Variants in PRR16 observed in about 807,000 individuals in gnomAD.
PRR16 encodes proline rich 16, also known as protein Largen.
A neutral mutation model predicts 18.2 loss-of-function variants in PRR16; 6 were observed. That is an observed-to-expected ratio of 0.33 (90% CI 0.18 to 0.65). The LOEUF (loss-of-function observed/expected upper bound fraction) is 0.65, where lower values mean the gene tolerates loss of function less well. Ranked by LOEUF, PRR16 falls within the 30% of genes least tolerant of loss-of-function variation. The pLI is 0.74. For missense variants in PRR16, 412 were observed against 376.6 expected (o/e 1.09, Z -0.78); for synonymous variants, 151 against 147.8 (o/e 1.02, Z -0.16).
At chr5:120,582,697 G>GT (rs1753313603) in intron 1 of PRR16, among the ~76,000 whole-genome samples, 4 of 151,454 alleles carry the variant, frequency 2.6e-5, no homozygotes, top group Non-Finnish European at 5.9e-5. Flanking sequence ...AATTTCTTTC[G>GT]TAATAGTAAT....
intron 1 of PRR16, among the ~76,000 whole-genome samples, chr5:120,512,984 T>C (rs1350787169): frequency 2.0e-5 from 3 of 152,046 alleles, no homozygotes; most frequent in African/African-American, 7.2e-5. Flanking sequence ...TGAATCGGGG[T>C]GCCACCTTTT....
chr5:120,567,998 C>G (rs1752789007), intron 1 of PRR16, among the ~76,000 whole-genome samples: 1 of 152,148 alleles, frequency 6.6e-6, no homozygotes, highest in Admixed American at 6.6e-5. Context: ...GCTGCAGTTT[C>G]AAGATTCATT....
chr5:120,786,346 T>C, the PRR16 span, among the ~76,000 whole-genome samples: 1 of 151,746 alleles, frequency 6.6e-6, no homozygotes, highest in Non-Finnish European at 1.5e-5. Context: ...ACATTGCCTA[T>C]AATAAGAATA....
At chr5:120,754,505 T>TATAATATATA in the PRR16 span, among the ~76,000 whole-genome samples, 47 of 58,484 alleles carry the variant, frequency 8.0e-4, 3 homozygotes, top group East Asian at 2.0e-3. Context: ...TATTTTATTA[T>TATAATATATA]GTATATTATA....
At chr5:120,573,873 G>A (rs1752980938) in intron 1 of PRR16, among the ~76,000 whole-genome samples, 1 of 141,000 alleles carries the variant, frequency 7.1e-6, no homozygotes, top group Non-Finnish European at 1.5e-5. Context: ...TATATGGTAT[G>A]TGTATATATA....
chr5:120,593,617 A>C (rs1200243634), intron 1 of PRR16, among the ~76,000 whole-genome samples: 1 of 152,102 alleles, frequency 6.6e-6, no homozygotes, highest in Non-Finnish European at 1.5e-5. Flanking sequence ...TCTTCCAAAA[A>C]ATTCTGGAGG....
chr5:120,596,569 C>T (rs1365835172), intron 1 of PRR16, among the ~76,000 whole-genome samples: 3 of 151,422 alleles, frequency 2.0e-5, no homozygotes, highest in Non-Finnish European at 4.4e-5. Context: ...ATAATCAATA[C>T]CTCTATATCA....
chr5:120,643,297 T>A (rs965890547), intron 1 of PRR16, among the ~76,000 whole-genome samples: 3 of 152,088 alleles, frequency 2.0e-5, no homozygotes, highest in Non-Finnish European at 4.4e-5. Context: ...ATGAGTTAAG[T>A]CGTTTGAAAA....
the PRR16 span, among the ~76,000 whole-genome samples, chr5:120,758,850 C>T: frequency 1.8e-3 from 268 of 151,914 alleles, 1 homozygote; most frequent in African/African-American, 6.2e-3. Context: ...ATATATTTGT[C>T]TATCAGTTAT....
At chr5:120,784,486 G>C in the PRR16 span, among the ~76,000 whole-genome samples, 8 of 152,206 alleles carry the variant, frequency 5.3e-5, no homozygotes, top group East Asian at 1.4e-3. Flanking sequence ...GTATATGCCT[G>C]TTGGCAAAGA....
the PRR16 span, among the ~76,000 whole-genome samples, chr5:120,765,734 A>ATTACCAACATTT: frequency 1.3e-5 from 2 of 152,038 alleles, no homozygotes; most frequent in Non-Finnish European, 2.9e-5. Flanking sequence ...GAAATAGATT[A>ATTACCAACATTT]TTACCAACAT....
the PRR16 span, among the ~76,000 whole-genome samples, chr5:120,770,895 A>G: frequency 4.7e-5 from 7 of 148,794 alleles, no homozygotes; most frequent in African/African-American, 1.8e-4. Flanking sequence ...CTGAATTCCC[A>G]TAACTCTGTG....
intron 1 of PRR16, among the ~76,000 whole-genome samples, chr5:120,495,545 T>A (rs2112834516): frequency 6.6e-6 from 1 of 152,214 alleles, no homozygotes; most frequent in Admixed American, 6.5e-5. Flanking sequence ...AATTCAAGTT[T>A]AGGTTTTTGG....
chr5:120,760,005 T>C, the PRR16 span, among the ~76,000 whole-genome samples: 1 of 152,142 alleles, frequency 6.6e-6, no homozygotes, highest in East Asian at 1.9e-4. Flanking sequence ...CTAATCTAAG[T>C]CATTTTGTAT....
intron 1 of PRR16, among the ~76,000 whole-genome samples, chr5:120,553,098 C>T (rs1163045388): frequency 6.6e-6 from 1 of 151,608 alleles, no homozygotes; most frequent in Non-Finnish European, 1.5e-5. Flanking sequence ...GGTTAGTATT[C>T]TTGCAAAATT....
intron 1 of PRR16, among the ~76,000 whole-genome samples, chr5:120,524,817 T>C (rs1214050923): frequency 1.3e-5 from 2 of 152,104 alleles, no homozygotes; most frequent in Non-Finnish European, 2.9e-5. Context: ...ACACCTACTA[T>C]GTACCCACAC....
intron 1 of PRR16, among the ~76,000 whole-genome samples, chr5:120,512,190 A>G (rs915311518): frequency 2.3e-5 from 2 of 87,208 alleles, no homozygotes; most frequent in Non-Finnish European, 4.7e-5. Context: ...TCCCCTCCAG[A>G]TACAGAGATA....
chr5:120,494,349 AT>A (rs879134583), intron 1 of PRR16, among the ~76,000 whole-genome samples: 1 of 151,524 alleles, frequency 6.6e-6, no homozygotes, highest in African/African-American at 2.4e-5. Context: ...CATGTCTTTT[AT>A]TTTTTTGTAG....
chr5:120,520,453 T>C (rs1580679054), intron 1 of PRR16, among the ~76,000 whole-genome samples: 2 of 152,172 alleles, frequency 1.3e-5, no homozygotes, highest in East Asian at 1.9e-4. Flanking sequence ...CCTGAAATTA[T>C]AGTAAAATCA....
Sources: allele counts gnomAD v4.1 joint callset (sites outside exome capture counted in the v4.1 genomes callset), GRCh38; gene constraint gnomAD v4.1.1; transcripts MANE v1.5; gene names NCBI Gene and HGNC (gene_info 2026-07-23, HGNC 2026-07-21).